The following SCN10A variants were observed in gnomAD, a reference collection of about 807,000 sequenced individuals.
SCN10A encodes the protein sodium channel protein type 10 subunit alpha.
Under a neutral mutation model 170.7 loss-of-function variants are expected in SCN10A, and 162 were observed. The observed-to-expected ratio is 0.95, with a 90% confidence interval of 0.84 to 1.08. The LOEUF (loss-of-function observed/expected upper bound fraction) is 1.08. Among genes scored for constraint, SCN10A ranks in the 50% least tolerant of loss-of-function variants. The pLI, the probability that SCN10A is intolerant of heterozygous loss-of-function variation, is 0.00. For synonymous variants in SCN10A, 985 were observed against 904.6 expected, an observed-to-expected ratio of 1.09 and a Z score of -1.59; for missense variants, 2,527 against 2,436.9, an observed-to-expected ratio of 1.04 and a Z score of -0.78.
chr3:38,752,766 G>A (rs1424594574), intron 11 of SCN10A, among the ~76,000 whole-genome samples: 1 of 152,224 alleles, frequency 6.6e-6, no homozygotes, highest in African/African-American at 2.4e-5. Flanking sequence ...TCAGCAAATA[G>A]GTTATCATGG....
intron 2 of SCN10A, among the ~76,000 whole-genome samples, chr3:38,792,923 T>A (rs2064301879): frequency 6.6e-6 from 1 of 152,120 alleles, no homozygotes; most frequent in Non-Finnish European, 1.5e-5. Context: ...TTTTTGTTTA[T>A]GCCAGATATA....
At position 38,697,354 on chromosome 3, in the gene SCN10A, G is replaced by T. The variant is rs748441157; in HGVS notation, c.5866C>A (p.Pro1956Thr). 9.9e-6 allele frequency: 16 copies of T among 1,613,492 alleles called. No homozygotes were observed. Among genetic ancestry groups the T allele is most frequent in the African/African-American group, 9.3e-5 (7 of 74,896 alleles). ...ATSMELIAPG[P>T] ...TCCAGGCTGGAGTGTTCTCACTAGG[G>T]CCCAGGGGCAATCAGCTCCATACTG... Residue 1956 changes from proline to threonine, a missense_variant, in exon 28 of 28, where the codon CCC becomes ACC. By Grantham distance (38) the Pro-to-Thr change is conservative. Coordinates refer to ENST00000449082, the MANE Select transcript of SCN10A (RefSeq NM_006514.4).
chr3:38,771,509 G>A, intron 4 of SCN10A, 102 bp from the exon 5 acceptor site: 1 of 1,169,000 alleles, frequency 8.6e-7, no homozygotes, highest in Non-Finnish European at 1.2e-6. Flanking sequence ...ACTGCTCCAA[G>A]AAAAAACATG....
chr3:38,709,355 G>A (rs1011128001), intron 25 of SCN10A, 123 bp downstream of exon 25: 22 of 992,174 alleles, frequency 2.2e-5, no homozygotes, highest in Non-Finnish European at 3.3e-5. Flanking sequence ...GGTTAGCACT[G>A]ATATTAAAGT....
intron 5 of SCN10A, among the ~76,000 whole-genome samples, chr3:38,766,214 G>C (rs554012126): frequency 3.5e-4 from 53 of 152,036 alleles, no homozygotes; most frequent in Middle Eastern, 3.4e-3. Context: ...TACTGATTTG[G>C]ATTCCCTTTA....
chr3:38,780,588 T>C (rs932908611), intron 4 of SCN10A, among the ~76,000 whole-genome samples: 1 of 152,136 alleles, frequency 6.6e-6, no homozygotes, highest in African/African-American at 2.4e-5. Flanking sequence ...CGTTTGATAT[T>C]GGAATACATT....
chr3:38,700,512 ATGG>A (rs910086719), intron 27 of SCN10A, among the ~76,000 whole-genome samples: 6 of 152,234 alleles, frequency 3.9e-5, no homozygotes, highest in Non-Finnish European at 7.3e-5. Flanking sequence ...TCTGGCATTG[ATGG>A]TGGTGATGGT....
At position 38,763,527 on chromosome 3, in the gene SCN10A, T is replaced by C; in HGVS notation, c.669A>G (p.Leu223=). The C allele has an allele frequency of 6.2e-7, 1 of 1,614,018 alleles. No homozygotes were observed. Among genetic ancestry groups the C allele is most frequent in the Non-Finnish European group, 8.5e-7 (1 of 1,179,870 alleles). The change falls in exon 6 of 28, where the codon TTA becomes TTG. Residue 223 remains leucine, a synonymous_variant. Transcript: ENST00000449082. ...GLRTFRVLRA[L]KTVSVIPGLK... ...CACCTGGGATCACAGAAACTGTTTTTAATGCTCTAAGAACTCTGAATGTCC... is the reference window on the plus strand; with the variant it reads ...CACCTGGGATCACAGAAACTGTTTTCAATGCTCTAAGAACTCTGAATGTCC...
At chr3:38,723,055 G>A (rs1380448268) in intron 19 of SCN10A, among the ~76,000 whole-genome samples, 1 of 152,170 alleles carries the variant, frequency 6.6e-6, no homozygotes, top group Non-Finnish European at 1.5e-5. Context: ...ATTGAGGGAA[G>A]CAGATACATC....
chr3:38,748,686 C>A (rs1030176783), intron 13 of SCN10A, among the ~76,000 whole-genome samples: 1 of 152,130 alleles, frequency 6.6e-6, no homozygotes, highest in African/African-American at 2.4e-5. Flanking sequence ...TCACTGGGGG[C>A]TAAGTCATCA....
intron 1 of SCN10A, among the ~76,000 whole-genome samples, chr3:38,798,208 C>A (rs1559471694): frequency 2.0e-5 from 3 of 152,256 alleles, no homozygotes; most frequent in Admixed American, 2.0e-4. Context: ...CTCTTATGGG[C>A]AAACTGGGCT....
rs780641886 is a variant in SCN10A, at chr3:38,697,338, G to C, written c.*11C>G. ...ATCATAACTGAACATATCCAGGCTGGAGTGTTCTCACTAGGGCCCAGGGGC... is the reference window on the plus strand; with the variant it reads ...ATCATAACTGAACATATCCAGGCTGCAGTGTTCTCACTAGGGCCCAGGGGC... On this transcript the variant is annotated 3_prime_UTR_variant, in exon 28 of 28. Transcript: ENST00000449082. The C allele has an allele frequency of 1.9e-6, 3 of 1,611,716 alleles. No homozygotes were observed. In the South Asian group the frequency reaches 3.3e-5, roughly 18 times the overall value.
At chr3:38,738,971 G>A (rs2063599637) in intron 15 of SCN10A, among the ~76,000 whole-genome samples, 1 of 152,176 alleles carries the variant, frequency 6.6e-6, no homozygotes, top group Non-Finnish European at 1.5e-5. Context: ...TGACTTCCTT[G>A]AGGCTGGAAG....
intron 1 of SCN10A, among the ~76,000 whole-genome samples, chr3:38,802,428 TATA>T (rs2064378179): frequency 6.6e-6 from 1 of 152,192 alleles, no homozygotes; most frequent in South Asian, 2.1e-4. Flanking sequence ...AAAGTGAAAT[TATA>T]ATATTTAACT....
intron 13 of SCN10A, among the ~76,000 whole-genome samples, chr3:38,745,492 A>G (rs1160539543): frequency 6.6e-6 from 1 of 152,074 alleles, no homozygotes; most frequent in Non-Finnish European, 1.5e-5. Context: ...AAACTCCCCC[A>G]AACACAAAAA....
intron 1 of SCN10A, 68 bp from the exon 2 acceptor site, chr3:38,794,110 C>G: frequency 3.6e-6 from 4 of 1,103,950 alleles, no homozygotes; most frequent in Non-Finnish European, 4.0e-6. Context: ...TCTCATCTGT[C>G]CCATCTTGAT....
At chr3:38,796,988 C>T (rs1056578834) in intron 1 of SCN10A, among the ~76,000 whole-genome samples, 3 of 151,912 alleles carry the variant, frequency 2.0e-5, no homozygotes, top group South Asian at 4.2e-4. Context: ...AATGGCGAAA[C>T]TTAATAGCTG....
chr3:38,761,167 T>A (rs1559450063), intron 7 of SCN10A, 25 bp downstream of exon 7: 2 of 1,536,590 alleles, frequency 1.3e-6, no homozygotes, highest in East Asian at 2.2e-5. Context: ...CAGACCTTGG[T>A]CCCTATGGAA....
intron 26 of SCN10A, among the ~76,000 whole-genome samples, chr3:38,705,205 C>T (rs2063197718): frequency 6.6e-6 from 1 of 152,190 alleles, no homozygotes; most frequent in African/African-American, 2.4e-5. Context: ...CTAGCCTTGC[C>T]TCAGCTATGC....
Sources: allele counts gnomAD v4.1 joint callset (sites outside exome capture counted in the v4.1 genomes callset), GRCh38; gene constraint gnomAD v4.1.1; transcripts MANE v1.5; gene names NCBI Gene and HGNC (gene_info 2026-07-23, HGNC 2026-07-21).